The following AGMO variants were observed in gnomAD, a reference collection of about 807,000 sequenced individuals.
The protein encoded by AGMO is alkylglycerol monooxygenase.
Under a neutral mutation model 60.2 loss-of-function variants are expected in AGMO, and 75 were observed. That is an observed-to-expected ratio of 1.25 (90% CI 1.03 to 1.51). AGMO has a LOEUF of 1.51. Among genes scored for constraint, AGMO ranks in the 40% most tolerant of loss-of-function variants. The pLI is 0.00. For missense variants in AGMO, 763 were observed against 525.5 expected (o/e 1.45, Z -4.42); for synonymous variants, 261 against 177.1 (o/e 1.47, Z -3.76).
At chr7:15,341,857 C>G (rs1018593930) in intron 12 of AGMO, among the ~76,000 whole-genome samples, 5 of 151,942 alleles carry the variant, frequency 3.3e-5, no homozygotes, top group Non-Finnish European at 7.4e-5. Context: ...GGGAACTGAC[C>G]TTTATAAAAC....
At chr7:15,297,042 C>T (rs576759532) in intron 12 of AGMO, among the ~76,000 whole-genome samples, 3 of 148,638 alleles carry the variant, frequency 2.0e-5, no homozygotes, top group South Asian at 4.3e-4. Context: ...ACCACCTAGC[C>T]ATCTCTCTCT....
chr7:15,425,718 G>A (rs1418019622), intron 4 of AGMO, among the ~76,000 whole-genome samples: 11 of 152,142 alleles, frequency 7.2e-5, no homozygotes, highest in Non-Finnish European at 1.3e-4. Flanking sequence ...GGGATTACAG[G>A]CATGAGCCAT....
intron 3 of AGMO, among the ~76,000 whole-genome samples, chr7:15,531,663 T>TATA (rs200135252): frequency 3.7e-5 from 5 of 135,562 alleles, no homozygotes; most frequent in African/African-American, 1.4e-4. Flanking sequence ...AATATATATA[T>TATA]TTTTTTAGAG....
intron 12 of AGMO, among the ~76,000 whole-genome samples, chr7:15,260,832 G>T (rs1783246164): frequency 1.3e-5 from 2 of 151,982 alleles, no homozygotes; most frequent in African/African-American, 2.4e-5. Flanking sequence ...GACCACAGCG[G>T]AATAAAATGA....
At chr7:15,541,664 C>A (rs573047006) in intron 3 of AGMO, among the ~76,000 whole-genome samples, 1 of 152,100 alleles carries the variant, frequency 6.6e-6, no homozygotes, top group Admixed American at 6.5e-5. Context: ...AGATGGAATT[C>A]AAATGTTGAG....
At chr7:15,240,103 C>G (rs1308544930) in intron 12 of AGMO, among the ~76,000 whole-genome samples, 1 of 152,074 alleles carries the variant, frequency 6.6e-6, no homozygotes, top group Non-Finnish European at 1.5e-5. Flanking sequence ...TCCTAACAAT[C>G]AAGCTACATC....
intron 2 of AGMO, among the ~76,000 whole-genome samples, chr7:15,553,162 G>T (rs1013818081): frequency 5.3e-5 from 8 of 150,718 alleles, no homozygotes; most frequent in African/African-American, 1.7e-4. Context: ...CACACTCTGG[G>T]GACTGTTGTG....
At chr7:15,299,830 T>TACACACACACACAC (rs756832586) in intron 12 of AGMO, among the ~76,000 whole-genome samples, 27 of 48,190 alleles carry the variant, frequency 5.6e-4, no homozygotes, top group African/African-American at 3.2e-3. Flanking sequence ...TCTGTCTACA[T>TACACACACACACAC]ACACACACAC....
At chr7:15,447,832 G>A (rs560383811) in intron 3 of AGMO, among the ~76,000 whole-genome samples, 48 of 152,160 alleles carry the variant, frequency 3.2e-4, no homozygotes, top group Non-Finnish European at 5.0e-4. Flanking sequence ...GAGTATAGGC[G>A]TGAGCCACCG....
At chr7:15,336,686 G>T (rs1226075809) in intron 12 of AGMO, among the ~76,000 whole-genome samples, 1 of 152,094 alleles carries the variant, frequency 6.6e-6, no homozygotes, top group South Asian at 2.1e-4. Context: ...CTGCTACTTT[G>T]TGTGTTCTGA....
the AGMO span, among the ~76,000 whole-genome samples, chr7:15,156,279 G>C: frequency 6.6e-6 from 1 of 152,222 alleles, no homozygotes; most frequent in African/African-American, 2.4e-5. Flanking sequence ...CAGTGAAAGA[G>C]CTATGGCAGT....
the AGMO span, among the ~76,000 whole-genome samples, chr7:15,149,905 C>A: frequency 1.3e-5 from 2 of 152,006 alleles, no homozygotes; most frequent in African/African-American, 4.8e-5. Flanking sequence ...TTGCTTCAGG[C>A]AATATGGACA....
intron 12 of AGMO, among the ~76,000 whole-genome samples, chr7:15,268,824 TTTTGACTTGTTAGATTA>T (rs1783511519): frequency 6.6e-6 from 1 of 151,790 alleles, no homozygotes; most frequent in African/African-American, 2.4e-5. Context: ...GATGAAATTA[TTTTGACTTGTTAGATTA>T]TTTTCTCTAT....
chr7:15,370,540 C>T (rs975674726), intron 10 of AGMO, among the ~76,000 whole-genome samples: 1 of 152,172 alleles, frequency 6.6e-6, no homozygotes, highest in African/African-American at 2.4e-5. Flanking sequence ...TTCTTTTTAG[C>T]CTCACCAGCA....
At chr7:15,123,017 T>C in the AGMO span, among the ~76,000 whole-genome samples, 1 of 152,102 alleles carries the variant, frequency 6.6e-6, no homozygotes, top group Non-Finnish European at 1.5e-5. Flanking sequence ...CTAATCCCTG[T>C]CATGCTTTCT....
At chr7:15,129,475 G>C in the AGMO span, among the ~76,000 whole-genome samples, 6 of 152,100 alleles carry the variant, frequency 3.9e-5, no homozygotes, top group Non-Finnish European at 5.9e-5. Context: ...AATAAGGAAA[G>C]GCAACTCATT....
chr7:15,392,488 T>TA (rs1318208384), intron 6 of AGMO, among the ~76,000 whole-genome samples: 4 of 151,700 alleles, frequency 2.6e-5, no homozygotes, highest in South Asian at 2.1e-4. Context: ...CCATCTAAAT[T>TA]AAAAAACATT....
intron 3 of AGMO, among the ~76,000 whole-genome samples, chr7:15,467,873 C>A (rs1237051702): frequency 1.3e-5 from 2 of 151,838 alleles, no homozygotes; most frequent in Non-Finnish European, 2.9e-5. Context: ...AGGGAAATGG[C>A]CTTCCTTCAA....
chr7:15,439,848 A>C (rs7787350), intron 3 of AGMO, among the ~76,000 whole-genome samples: 1 of 151,972 alleles, frequency 6.6e-6, no homozygotes, highest in Admixed American at 6.5e-5. Context: ...AAGAGCAAGA[A>C]CTTTTGAACT....
Sources: allele counts gnomAD v4.1 joint callset (sites outside exome capture counted in the v4.1 genomes callset), GRCh38; gene constraint gnomAD v4.1.1; transcripts MANE v1.5; gene names NCBI Gene and HGNC (gene_info 2026-07-23, HGNC 2026-07-21).